Variants in FSHR observed in about 807,000 individuals in gnomAD.
The protein encoded by FSHR is follicle stimulating hormone receptor, also known as follicle-stimulating hormone receptor.
FSHR carries 46 observed loss-of-function variants against 52.1 expected under a neutral mutation model. That is an observed-to-expected ratio of 0.88 (90% confidence interval 0.70 to 1.13). FSHR has a LOEUF of 1.13. FSHR is among the 50% of genes most tolerant of loss of function. The pLI, the probability that FSHR is intolerant of heterozygous loss-of-function variation, is 0.00. For missense variants in FSHR, 964 were observed against 834.6 expected (o/e 1.16, Z -1.91); for synonymous variants, 399 against 309.6 (o/e 1.29, Z -3.03).
At chr2:48,988,244 C>T (rs1460067672) in intron 6 of FSHR, among the ~76,000 whole-genome samples, 2 of 152,036 alleles carry the variant, frequency 1.3e-5, no homozygotes, top group Non-Finnish European at 2.9e-5. Flanking sequence ...TTTTTAAAAA[C>T]ACAACAGTTT....
chr2:49,012,700 A>G (rs1667316852), intron 4 of FSHR, among the ~76,000 whole-genome samples: 1 of 152,152 alleles, frequency 6.6e-6, no homozygotes, highest in African/African-American at 2.4e-5. Flanking sequence ...CCAACAACTC[A>G]ATCCTACTGG....
chr2:49,104,922 T>C (rs938101312), intron 1 of FSHR, among the ~76,000 whole-genome samples: 4 of 152,204 alleles, frequency 2.6e-5, no homozygotes, highest in African/African-American at 9.6e-5. Flanking sequence ...CTAAAAACTT[T>C]TGAGGGCATG....
chr2:49,021,886 T>TATATATATAGAGAGAGAGAGAG (rs1273265515), intron 2 of FSHR, among the ~76,000 whole-genome samples: 2 of 25,124 alleles, frequency 8.0e-5, no homozygotes, highest in African/African-American at 1.5e-4. Context: ...TATATATATA[T>TATATATATAGAGAGAGAGAGAG]AGAGAGAGAG....
chr2:49,069,113 G>C (rs1336683553), intron 1 of FSHR, among the ~76,000 whole-genome samples: 2 of 151,984 alleles, frequency 1.3e-5, no homozygotes, highest in Admixed American at 6.6e-5. Context: ...CATCTCACTA[G>C]GGGAAAAATC....
At chr2:49,062,400 T>G (rs1355936786) in intron 2 of FSHR, among the ~76,000 whole-genome samples, 1 of 152,130 alleles carries the variant, frequency 6.6e-6, no homozygotes, top group African/African-American at 2.4e-5. Context: ...TTTCACCATA[T>G]ACAAAAGTCA....
chr2:49,139,074 G>C (rs1005897835), intron 1 of FSHR, among the ~76,000 whole-genome samples: 1 of 152,110 alleles, frequency 6.6e-6, no homozygotes, highest in Non-Finnish European at 1.5e-5. Flanking sequence ...TCATTTCACT[G>C]GGCTTCATTT....
At chr2:49,098,559 T>C (rs972685655) in intron 1 of FSHR, among the ~76,000 whole-genome samples, 3 of 151,760 alleles carry the variant, frequency 2.0e-5, no homozygotes, top group African/African-American at 7.3e-5. Context: ...CAGTGAAAGA[T>C]AGGTACCAGA....
chr2:49,071,807 T>C (rs1385743266), intron 1 of FSHR, among the ~76,000 whole-genome samples: 8 of 151,784 alleles, frequency 5.3e-5, no homozygotes, highest in Non-Finnish European at 1.0e-4. Flanking sequence ...GGATGAAGGA[T>C]GAGGAAGGGA....
intron 2 of FSHR, among the ~76,000 whole-genome samples, chr2:49,041,135 T>G (rs950492499): frequency 6.6e-6 from 1 of 152,222 alleles, no homozygotes; most frequent in Non-Finnish European, 1.5e-5. Flanking sequence ...CAGACCTTTT[T>G]CTTCAGGCTT....
At chr2:48,999,325 G>A (rs1040273085) in intron 4 of FSHR, among the ~76,000 whole-genome samples, 27 of 152,204 alleles carry the variant, frequency 1.8e-4, no homozygotes, top group African/African-American at 6.3e-4. Context: ...AGTTGAGGAT[G>A]CTCAGCTGAG....
chr2:48,994,186 C>T (rs145824856), intron 4 of FSHR, among the ~76,000 whole-genome samples: 92 of 152,254 alleles, frequency 6.0e-4, no homozygotes, highest in African/African-American at 2.1e-3. Context: ...TATTCACTGC[C>T]TATGTTTATT....
chr2:49,117,397 G>A (rs1671642024), intron 1 of FSHR, among the ~76,000 whole-genome samples: 1 of 152,116 alleles, frequency 6.6e-6, no homozygotes, highest in Non-Finnish European at 1.5e-5. Context: ...TCTACTATCA[G>A]GATAATAATA....
At chr2:49,050,668 T>C (rs181321656) in intron 2 of FSHR, among the ~76,000 whole-genome samples, 1 of 152,314 alleles carries the variant, frequency 6.6e-6, no homozygotes, top group Non-Finnish European at 1.5e-5. Context: ...TCAGTATCCC[T>C]GTCTATACAG....
chr2:49,078,470 C>T (rs1440847493), intron 1 of FSHR, among the ~76,000 whole-genome samples: 1 of 152,010 alleles, frequency 6.6e-6, no homozygotes, highest in Non-Finnish European at 1.5e-5. Context: ...CAAAAGTAGA[C>T]AGGGACAATA....
At chr2:49,017,674 C>A (rs753695528) in intron 3 of FSHR, 111 bp from the exon 4 acceptor site, 10 of 785,622 alleles carry the variant, frequency 1.3e-5, no homozygotes, top group Admixed American at 4.0e-5. Context: ...ACTCATCCAC[C>A]CATCTATTCA....
At chr2:49,054,477 C>T (rs1668981836) in intron 2 of FSHR, among the ~76,000 whole-genome samples, 1 of 152,036 alleles carries the variant, frequency 6.6e-6, no homozygotes, top group Non-Finnish European at 1.5e-5. Flanking sequence ...CCACCCCAAG[C>T]AGACATACCC....
At chr2:48,977,096 T>TATA (rs936506603) in intron 8 of FSHR, among the ~76,000 whole-genome samples, 8 of 150,610 alleles carry the variant, frequency 5.3e-5, no homozygotes, top group African/African-American at 2.0e-4. Flanking sequence ...GAACTTAAAA[T>TATA]ATAATAATAA....
intron 1 of FSHR, among the ~76,000 whole-genome samples, chr2:49,118,909 C>A (rs989525495): frequency 5.3e-5 from 8 of 152,190 alleles, no homozygotes; most frequent in African/African-American, 1.9e-4. Flanking sequence ...CTTGAGTATA[C>A]CTGCACTCCC....
intron 6 of FSHR, among the ~76,000 whole-genome samples, chr2:48,985,336 G>A (rs1462462228): frequency 6.6e-6 from 1 of 152,208 alleles, no homozygotes; most frequent in Non-Finnish European, 1.5e-5. Flanking sequence ...GGGCAGGCAA[G>A]GGAGACGGGC....
Sources: allele counts gnomAD v4.1 joint callset (sites outside exome capture counted in the v4.1 genomes callset), GRCh38; gene constraint gnomAD v4.1.1; transcripts MANE v1.5; gene names NCBI Gene and HGNC (gene_info 2026-07-23, HGNC 2026-07-21).